Variants in RAB20 observed in about 807,000 individuals in gnomAD.
RAB20 encodes RAB20, member RAS oncogene family, also known as ras-related protein Rab-20.
RAB20 carries 2 observed loss-of-function variants against 3.7 expected under a neutral mutation model. That is an observed-to-expected ratio of 0.54 (90% confidence interval 0.22 to 1.69). The LOEUF (loss-of-function observed/expected upper bound fraction) is 1.69. RAB20 is among the 40% of genes most tolerant of loss of function. The pLI, the probability that RAB20 is intolerant of heterozygous loss-of-function variation, is 0.19. For synonymous variants in RAB20, 126 were observed against 130.8 expected (o/e 0.96, Z 0.25); for missense variants, 276 against 311.9 (o/e 0.88, Z 0.87).
chr13:110,554,121 A>G (rs1339102120), intron 1 of RAB20, among the ~76,000 whole-genome samples: 1 of 152,216 alleles, frequency 6.6e-6, no homozygotes, highest in Non-Finnish European at 1.5e-5. Context: ...TCTCAAAAAA[A>G]TTAAATAATT....
intron 1 of RAB20, among the ~76,000 whole-genome samples, chr13:110,550,787 G>A (rs1182690069): frequency 1.3e-5 from 2 of 152,132 alleles, no homozygotes; most frequent in African/African-American, 2.4e-5. Flanking sequence ...GGGAAGAGTA[G>A]GGGAAAATAC....
intron 1 of RAB20, among the ~76,000 whole-genome samples, chr13:110,559,273 C>T (rs1190399134): frequency 1.3e-5 from 2 of 151,102 alleles, no homozygotes; most frequent in Admixed American, 6.6e-5. Flanking sequence ...GGTTCCTCCT[C>T]CGGCTGGTCC....
Position 110,561,414 on chromosome 13 carries a change from T to C in RAB20, c.106A>G (p.Thr36Ala), listed in dbSNP as rs369715253. 99 of 1,609,848 alleles carry C rather than the reference T, an allele frequency of 6.1e-5. No homozygotes were observed. The highest frequency in any genetic ancestry group is 4.6e-4 in the South Asian group (42 of 91,014). Residue 36 changes from threonine to alanine, a missense_variant, in exon 1 of 2, where the codon ACG (threonine) becomes GCG (alanine). Coordinates refer to ENST00000267328, the MANE Select transcript of RAB20 (RefSeq NM_017817.3). ...MERRFPDTVS[T>A]VGGAFYLKQW... ...TTCAGGTAGAAGGCGCCGCCCACCGTGCTGACCGTGTCCGGGAAGCGCCGC... is the reference window on the plus strand; with the variant it reads ...TTCAGGTAGAAGGCGCCGCCCACCGCGCTGACCGTGTCCGGGAAGCGCCGC...
At chr13:110,536,014 A>G (rs547807101) in intron 1 of RAB20, among the ~76,000 whole-genome samples, 3 of 152,390 alleles carry the variant, frequency 2.0e-5, no homozygotes, top group South Asian at 2.1e-4. Context: ...ATGTGACCAC[A>G]TGGAGTACGG....
intron 1 of RAB20, among the ~76,000 whole-genome samples, chr13:110,558,694 G>GTTTTTTTT (rs67548367): frequency 2.0e-5 from 1 of 50,892 alleles, no homozygotes; most frequent in African/African-American, 6.3e-5. Context: ...CTTCCCATCT[G>GTTTTTTTT]TTTTTTTTTT....
chr13:110,541,481 AG>A (rs2139582627), intron 1 of RAB20, among the ~76,000 whole-genome samples: 1 of 152,342 alleles, frequency 6.6e-6, no homozygotes, highest in East Asian at 1.9e-4. Flanking sequence ...GCCACATGAA[AG>A]CTCACCTCGT....
At chr13:110,546,723 T>TGG (rs1884857429) in intron 1 of RAB20, among the ~76,000 whole-genome samples, 1 of 39,972 alleles carries the variant, frequency 2.5e-5, no homozygotes. Context: ...TTTTGGGTTT[T>TGG]TTGTTTGTTT....
chr13:110,533,566 G>A (rs1884585121), intron 1 of RAB20, among the ~76,000 whole-genome samples: 1 of 152,074 alleles, frequency 6.6e-6, no homozygotes, highest in African/African-American at 2.4e-5. Context: ...TGTGCCTGTA[G>A]TCCCAGCTAC....
chr13:110,554,764 G>GCGCT (rs1408224056), intron 1 of RAB20, among the ~76,000 whole-genome samples: 6 of 152,216 alleles, frequency 3.9e-5, no homozygotes, highest in African/African-American at 1.4e-4. Context: ...TTCATTTGCT[G>GCGCT]CAGAGCCCAG....
intron 1 of RAB20, among the ~76,000 whole-genome samples, chr13:110,548,964 G>A (rs1381627810): frequency 2.0e-5 from 3 of 152,202 alleles, no homozygotes; most frequent in African/African-American, 4.8e-5. Context: ...GGTAAGGGCT[G>A]GGTCCCTACA....
chr13:110,542,924 G>GGT (rs1439971774), intron 1 of RAB20, among the ~76,000 whole-genome samples: 3 of 152,142 alleles, frequency 2.0e-5, no homozygotes, highest in African/African-American at 7.2e-5. Context: ...CAATGTGCGG[G>GGT]GTTCTCTTGT....
chr13:110,548,516 C>T (rs1294325360), intron 1 of RAB20, among the ~76,000 whole-genome samples: 2 of 113,558 alleles, frequency 1.8e-5, no homozygotes, highest in Non-Finnish European at 3.9e-5. Flanking sequence ...AAACTCTTGT[C>T]ATTCTGGAAA....
At chr13:110,556,612 C>T (rs1266956143) in intron 1 of RAB20, among the ~76,000 whole-genome samples, 2 of 152,084 alleles carry the variant, frequency 1.3e-5, no homozygotes, top group African/African-American at 4.8e-5. Context: ...TGGCTCACTG[C>T]AGCCTCAACC....
chr13:110,543,139 T>C (rs1884794748), intron 1 of RAB20, among the ~76,000 whole-genome samples: 1 of 152,208 alleles, frequency 6.6e-6, no homozygotes. Flanking sequence ...TTTTATTTTT[T>C]TTTATTTTTA....
chr13:110,560,504 CAG>C (rs1172151780), intron 1 of RAB20, among the ~76,000 whole-genome samples: 1 of 152,114 alleles, frequency 6.6e-6, no homozygotes, highest in Non-Finnish European at 1.5e-5. Context: ...TCAGAACTTT[CAG>C]AGTTTCAGGC....
At chr13:110,558,170 C>G (rs1885070580) in intron 1 of RAB20, among the ~76,000 whole-genome samples, 1 of 152,208 alleles carries the variant, frequency 6.6e-6, no homozygotes, top group South Asian at 2.1e-4. Context: ...CACAGCAGTA[C>G]GTCTTCTAGG....
At chr13:110,533,767 C>G (rs948073620) in intron 1 of RAB20, among the ~76,000 whole-genome samples, 3 of 152,198 alleles carry the variant, frequency 2.0e-5, no homozygotes, top group Non-Finnish European at 4.4e-5. Context: ...CTATAACCAA[C>G]ACTGTATTCA....
intron 1 of RAB20, among the ~76,000 whole-genome samples, chr13:110,554,887 C>A (rs2139590526): frequency 6.6e-6 from 1 of 152,248 alleles, no homozygotes; most frequent in African/African-American, 2.4e-5. Flanking sequence ...GAGGGAGGGA[C>A]CTGATCCACT....
At chr13:110,537,301 C>T (rs543002435) in intron 1 of RAB20, among the ~76,000 whole-genome samples, 7 of 151,956 alleles carry the variant, frequency 4.6e-5, no homozygotes, top group South Asian at 2.1e-4. Context: ...TGAGCTACCA[C>T]GCCCGGCCGC....
Sources: allele counts gnomAD v4.1 joint callset (sites outside exome capture counted in the v4.1 genomes callset), GRCh38; gene constraint gnomAD v4.1.1; transcripts MANE v1.5; gene names NCBI Gene and HGNC (gene_info 2026-07-23, HGNC 2026-07-21).